The following HTR1F variants were observed in gnomAD, a reference collection of about 807,000 sequenced individuals.
The protein encoded by HTR1F is 5-hydroxytryptamine (serotonin) receptor 1F, G protein-coupled.
Under a neutral mutation model 24.0 loss-of-function variants are expected in HTR1F, and 17 were observed. The ratio of observed to expected loss-of-function variants is 0.71; its 90% CI spans 0.48 to 1.06. The LOEUF is 1.06. Among genes scored for constraint, HTR1F ranks in the 50% least tolerant of loss-of-function variants. The probability of loss-of-function intolerance (pLI) is 0.00; values close to 1 mark genes in which losing one functional copy is unlikely to be tolerated. For missense variants in HTR1F, 391 were observed against 427.8 expected (o/e 0.91, Z 0.76); for synonymous variants, 186 against 156.8 (o/e 1.19, Z -1.39).
intron 2 of HTR1F, among the ~76,000 whole-genome samples, chr3:87,982,949 T>C (rs192613925): frequency 1.5e-3 from 190 of 127,260 alleles, no homozygotes; most frequent in African/African-American, 5.0e-3. Context: ...ATACAATACA[T>C]GAGATCATGG....
At chr3:87,916,245 G>A (rs1703888836) in intron 2 of HTR1F, among the ~76,000 whole-genome samples, 1 of 141,902 alleles carries the variant, frequency 7.0e-6, no homozygotes, top group Non-Finnish European at 1.5e-5. Flanking sequence ...ATCAAAAAAG[G>A]ACCTCTTTAA....
intron 2 of HTR1F, among the ~76,000 whole-genome samples, chr3:87,912,005 C>CA (rs1255829318): frequency 6.6e-6 from 1 of 152,024 alleles, no homozygotes; most frequent in Admixed American, 6.6e-5. Flanking sequence ...TGAAAATCAG[C>CA]ATGACAAGAA....
intron 2 of HTR1F, among the ~76,000 whole-genome samples, chr3:87,936,935 G>T (rs1477433391): frequency 6.6e-6 from 1 of 151,878 alleles, no homozygotes; most frequent in Non-Finnish European, 1.5e-5. Context: ...AGAAGAAATT[G>T]ATTCCCTGAA....
intron 2 of HTR1F, among the ~76,000 whole-genome samples, chr3:87,973,142 G>A (rs566819774): frequency 6.6e-6 from 1 of 152,238 alleles, no homozygotes; most frequent in South Asian, 2.1e-4. Flanking sequence ...TTGCACTCCA[G>A]CCTGGGTGAC....
chr3:87,852,266 T>C (rs1705103711), intron 2 of HTR1F, among the ~76,000 whole-genome samples: 1 of 151,746 alleles, frequency 6.6e-6, no homozygotes, highest in Admixed American at 6.6e-5. Flanking sequence ...TTAGCTTTTA[T>C]CATCTTCATT....
At chr3:87,983,480 G>A (rs184692156) in intron 2 of HTR1F, among the ~76,000 whole-genome samples, 178 of 152,192 alleles carry the variant, frequency 1.2e-3, no homozygotes, top group Non-Finnish European at 2.1e-3. Context: ...TCCCAGGCTC[G>A]GAACCTAACT....
intron 2 of HTR1F, among the ~76,000 whole-genome samples, chr3:87,850,205 G>A (rs1705051311): frequency 6.6e-6 from 1 of 151,824 alleles, no homozygotes; most frequent in Non-Finnish European, 1.5e-5. Flanking sequence ...CGTGGAACCA[G>A]CCCAAATGTC....
chr3:87,950,028 G>T (rs1284031405), intron 2 of HTR1F, among the ~76,000 whole-genome samples: 1 of 152,156 alleles, frequency 6.6e-6, no homozygotes, highest in African/African-American at 2.4e-5. Context: ...AAAGTCAAAG[G>T]GGAAGCAGGC....
intron 2 of HTR1F, among the ~76,000 whole-genome samples, chr3:87,828,784 G>A (rs1704513860): frequency 6.6e-6 from 1 of 152,040 alleles, no homozygotes; most frequent in Admixed American, 6.6e-5. Context: ...TAGATTTTCT[G>A]AAAAAGATCA....
intron 2 of HTR1F, among the ~76,000 whole-genome samples, chr3:87,921,703 C>A (rs1308104102): frequency 6.6e-6 from 1 of 151,616 alleles, no homozygotes; most frequent in Non-Finnish European, 1.5e-5. Context: ...ATTTGTTAAC[C>A]AACATCTCCT....
intron 2 of HTR1F, among the ~76,000 whole-genome samples, chr3:87,903,741 G>A (rs1179570942): frequency 6.6e-6 from 1 of 152,110 alleles, no homozygotes; most frequent in Non-Finnish European, 1.5e-5. Context: ...TCTAGAACTA[G>A]AAATACCATT....
rs1294877423 is a variant in HTR1F at position 87,987,986 on chromosome 3, T to C, written c.-42-2722T>C. Among the ~76,000 whole-genome samples the C allele has an allele frequency of 4.5e-4, 68 of 151,334 alleles. 1 individual carries two copies. Among genetic ancestry groups the C allele is most frequent in the Non-Finnish European group, 1.5e-5 (1 of 67,868 alleles). On this transcript the variant is annotated intron_variant, in intron 2 of 2. Coordinates refer to ENST00000319595, the MANE Select transcript of HTR1F (RefSeq NM_001322209.2). ...ACAAAAGTCAAGAGAGAGAAACTCA[T>C]AGATGTGGCAGCATTGAAAAAAAAT...
intron 2 of HTR1F, among the ~76,000 whole-genome samples, chr3:87,851,906 T>C (rs1372577997): frequency 2.0e-5 from 3 of 148,284 alleles, no homozygotes; most frequent in Non-Finnish European, 4.5e-5. Flanking sequence ...GGAAATGGGT[T>C]AAATGAAAAT....
At chr3:87,848,641 C>G (rs550807007) in intron 2 of HTR1F, among the ~76,000 whole-genome samples, 4 of 151,674 alleles carry the variant, frequency 2.6e-5, no homozygotes, top group Non-Finnish European at 5.9e-5. Flanking sequence ...GAGTGGCATT[C>G]AATTAGGAAA....
chr3:87,920,029 T>TTATATATA (rs74326472), intron 2 of HTR1F, among the ~76,000 whole-genome samples: 2,399 of 141,962 alleles, frequency 0.017, 77 homozygotes, highest in African/African-American at 0.057. Flanking sequence ...ATATGTAATA[T>TTATATATA]TATATATATA....
At chr3:87,905,986 A>G (rs1703659553) in intron 2 of HTR1F, among the ~76,000 whole-genome samples, 1 of 152,114 alleles carries the variant, frequency 6.6e-6, no homozygotes, top group Admixed American at 6.6e-5. Context: ...GATGGCTGGC[A>G]AGGTTCAATT....
At chr3:87,842,815 C>T (rs1704838120) in intron 2 of HTR1F, among the ~76,000 whole-genome samples, 1 of 151,790 alleles carries the variant, frequency 6.6e-6, no homozygotes, top group African/African-American at 2.4e-5. Flanking sequence ...TGAGGAACTG[C>T]CCCAGGAAAA....
intron 2 of HTR1F, among the ~76,000 whole-genome samples, chr3:87,867,143 G>A (rs889366406): frequency 2.6e-5 from 4 of 151,754 alleles, no homozygotes; most frequent in African/African-American, 4.8e-5. Flanking sequence ...TCCAGAACAC[G>A]GTAGGAAATT....
chr3:87,831,156 A>G (rs1388101385), intron 2 of HTR1F, among the ~76,000 whole-genome samples: 1 of 151,802 alleles, frequency 6.6e-6, no homozygotes, highest in East Asian at 1.9e-4. Context: ...ATAACTCTTG[A>G]AATATTCTTA....
Sources: gnomAD v4.1 joint callset for allele counts (sites outside exome capture counted in the v4.1 genomes callset) on GRCh38, gnomAD v4.1.1 for gene constraint, MANE v1.5 for transcripts, NCBI Gene and HGNC (gene_info 2026-07-23, HGNC 2026-07-21) for gene names.